The following PAPOLA variants were observed in gnomAD, a reference collection of about 807,000 sequenced individuals.
The protein encoded by PAPOLA is polynucleotide adenylyltransferase alpha.
A neutral mutation model predicts 100.6 loss-of-function variants in PAPOLA; 15 were observed. The ratio of observed to expected loss-of-function variants is 0.15; its 90% CI spans 0.10 to 0.23. PAPOLA has a LOEUF of 0.23. PAPOLA is among the 10% of genes least tolerant of loss of function. The pLI, the probability that PAPOLA is intolerant of heterozygous loss-of-function variation, is 1.00. For missense variants in PAPOLA, 533 were observed against 884.2 expected, an observed-to-expected ratio of 0.60 and a Z score of 5.04; for synonymous variants, 293 against 300.0, an observed-to-expected ratio of 0.98 and a Z score of 0.24.
At chr14:96,560,195 A>C (rs1901721589) in intron 19 of PAPOLA, among the ~76,000 whole-genome samples, 1 of 152,182 alleles carries the variant, frequency 6.6e-6, no homozygotes, top group Admixed American at 6.5e-5. Flanking sequence ...TACCAAGAGC[A>C]AGGATTCTCT....
Position 96,552,633 on chromosome 14 carries a change from A to G in PAPOLA, c.1664+11A>G, listed in dbSNP as rs764319244. 4.4e-6 allele frequency: 7 copies of G among 1,608,904 alleles called. No individual in the cohort carries two copies. The highest frequency in any genetic ancestry group is 5.9e-6 in the Non-Finnish European group (7 of 1,177,628). On this transcript the variant is annotated intron_variant, in intron 17 of 21. Coordinates refer to ENST00000216277, the MANE Select transcript of PAPOLA (RefSeq NM_032632.5). The stretch of plus-strand genomic sequence containing the variant: ...TGGCAGCTCTCAGGGGTAAGGAAAA[A>G]GAGGGAAATAGAAGTGGAGGGGCTG...
intron 15 of PAPOLA, among the ~76,000 whole-genome samples, chr14:96,546,962 C>A (rs1431853720): frequency 6.6e-6 from 1 of 152,122 alleles, no homozygotes; most frequent in African/African-American, 2.4e-5. Context: ...TCCTCATGTT[C>A]ATTTAAATCT....
In PAPOLA at chr14:96,565,865, CCT is replaced by C. The variant is rs543255654; in HGVS notation, c.*816_*817del. The stretch of plus-strand genomic sequence containing the variant: ...AAAAGCTTCTTGCGCCTTTCCCTCC[CCT>C]GTTTTCTTCCTTTTTCTTTTTGCTT... On this transcript the variant is annotated 3_prime_UTR_variant, in exon 22 of 22. Coordinates refer to ENST00000216277, the MANE Select transcript of PAPOLA (RefSeq NM_032632.5). 67 of 398,602 alleles carry C rather than the reference CCT, an allele frequency of 1.7e-4. No individual in the cohort carries two copies. The highest frequency in any genetic ancestry group is 2.5e-4 in the South Asian group (2 of 7,848). 24.7% of individuals were successfully genotyped at this position (398,602 alleles called of 1,614,324 possible).
At position 96,565,799 on chromosome 14, in the gene PAPOLA, C is replaced by A. The variant is rs1902226147; in HGVS notation, c.*749C>A. The A allele has an allele frequency of 1.8e-5, 7 of 398,294 alleles. No individual in the cohort carries two copies. The East Asian group carries it at 2.5e-4, about 14-fold the overall frequency. The allele number at this position is 398,294 out of a possible 1,614,324, so 24.7% of individuals were successfully genotyped here. A position where few individuals can be genotyped will look rare whatever the true frequency, so the allele number is the denominator to read the frequency against. Reference sequence around the variant, plus strand: ...TTTGAGCTTGTGAAAGCTCTGTGTTCTTTTGCCTTCAATCTGTTGTCTTCA... The same window carrying A: ...TTTGAGCTTGTGAAAGCTCTGTGTTATTTTGCCTTCAATCTGTTGTCTTCA... On this transcript the variant is annotated 3_prime_UTR_variant, in exon 22 of 22. Coordinates refer to ENST00000216277, the MANE Select transcript of PAPOLA (RefSeq NM_032632.5).
At chr14:96,530,090 T>G (rs997879235) in intron 6 of PAPOLA, among the ~76,000 whole-genome samples, 1 of 152,240 alleles carries the variant, frequency 6.6e-6, no homozygotes, top group Admixed American at 6.5e-5. Flanking sequence ...ATTTGAGTAC[T>G]ATTAAGTTCT....
At chr14:96,545,912 T>G (rs1203263603) in intron 15 of PAPOLA, among the ~76,000 whole-genome samples, 1 of 152,088 alleles carries the variant, frequency 6.6e-6, no homozygotes, top group Non-Finnish European at 1.5e-5. Context: ...TAGAAATTTG[T>G]TCTGTACATT....
At chr14:96,542,148 A>T in intron 12 of PAPOLA, 95 bp from the exon 13 acceptor site, 3 of 689,538 alleles carry the variant, frequency 4.4e-6, no homozygotes, top group Non-Finnish European at 7.5e-6. Flanking sequence ...ATTGATGTGG[A>T]TCTATAACTG....
chr14:96,563,501 C>G (rs1320539487), intron 21 of PAPOLA, among the ~76,000 whole-genome samples: 1 of 151,980 alleles, frequency 6.6e-6, no homozygotes, highest in African/African-American at 2.4e-5. Context: ...ATGAATGAAC[C>G]CTAACATCTA....
chr14:96,522,596 C>G (rs1397188253), intron 3 of PAPOLA, among the ~76,000 whole-genome samples: 1 of 152,054 alleles, frequency 6.6e-6, no homozygotes, highest in African/African-American at 2.4e-5. Flanking sequence ...GTAGCGATGG[C>G]TTTTCACCAT....
intron 15 of PAPOLA, among the ~76,000 whole-genome samples, chr14:96,545,255 TA>T (rs1187987572): frequency 6.6e-6 from 1 of 152,024 alleles, no homozygotes; most frequent in Non-Finnish European, 1.5e-5. Flanking sequence ...AACTGTGATA[TA>T]AAGGAGAAAT....
chr14:96,552,628 G>T lies in PAPOLA; in HGVS notation c.1664+6G>T, dbSNP rs775889075. The stretch of plus-strand genomic sequence containing the variant: ...AGTTCTGGCAGCTCTCAGGGGTAAG[G>T]AAAAAGAGGGAAATAGAAGTGGAGG... On this transcript the variant is annotated splice_donor_region_variant and intron_variant, in intron 17 of 21. Coordinates refer to ENST00000216277, the MANE Select transcript of PAPOLA (RefSeq NM_032632.5). 3.1e-6 allele frequency: 5 copies of T among 1,607,466 alleles called. No individual in the cohort carries two copies. In the East Asian group the frequency reaches 1.1e-4, roughly 36 times the overall value.
intron 10 of PAPOLA, chr14:96,535,352 C>T: frequency 1.0e-6 from 1 of 982,700 alleles, no homozygotes; most frequent in African/African-American, 1.7e-5. Flanking sequence ...GTGCCACTTA[C>T]TGATATACAG....
chr14:96,548,246 A>G (rs1240731128), intron 16 of PAPOLA, among the ~76,000 whole-genome samples: 1 of 152,174 alleles, frequency 6.6e-6, no homozygotes, highest in Non-Finnish European at 1.5e-5. Context: ...TAAAAAGTAA[A>G]CTAAATTAAA....
rs1383042618 is a variant in PAPOLA, at chr14:96,502,405, G to C, written c.-188G>C. 1 of 697,852 alleles carries C rather than the reference G, an allele frequency of 1.4e-6. No individual in the cohort carries two copies. The highest frequency in any genetic ancestry group is 2.6e-6 in the Non-Finnish European group (1 of 382,814). The allele number at this position is 697,852 out of a possible 1,614,324, so 43.2% of individuals were successfully genotyped here. On this transcript the variant is annotated 5_prime_UTR_variant, in exon 1 of 22. Coordinates refer to ENST00000216277, the MANE Select transcript of PAPOLA (RefSeq NM_032632.5). ...CTAGAACGTTGCTGTGGTAGCGCTC[G>C]GGCGCCATGTTAGGACGAAGGGGAA...
intron 10 of PAPOLA, 139 bp downstream of exon 10, chr14:96,534,702 C>T: frequency 1.2e-5 from 18 of 1,483,934 alleles, no homozygotes; most frequent in Non-Finnish European, 1.5e-5. Context: ...TAGATAACCT[C>T]AACTATAATT....
chr14:96,547,342 CATT>C (rs910937859), intron 15 of PAPOLA, among the ~76,000 whole-genome samples: 11 of 151,936 alleles, frequency 7.2e-5, no homozygotes, highest in African/African-American at 2.4e-4. Context: ...GAAAGTATGT[CATT>C]AGTTAGTTTT....
chr14:96,525,864 A>G (rs1205525259), intron 4 of PAPOLA: 1 of 152,566 alleles, frequency 6.6e-6, no homozygotes, highest in Non-Finnish European at 1.5e-5. Context: ...AAGTACAGAT[A>G]CAGAGTAGTT....
rs1385408309 is a variant in PAPOLA, at chr14:96,565,016, T to C, written c.2204T>C (p.Ile735Thr). 16 of 1,597,842 alleles carry C rather than the reference T, an allele frequency of 1.0e-5. No individual in the cohort carries two copies. The highest frequency in any genetic ancestry group is 1.3e-5 in the Non-Finnish European group (15 of 1,165,518). Reference protein sequence around the residue: ...PALPANPIPVIKNSIKLRLNR With the variant: ...PALPANPIPVTKNSIKLRLNR ...CTCCCTGCAAATCCTATTCCTGTTATCAAGAATTCAATAAAACTGAGATTG... is the reference window on the plus strand; with the variant it reads ...CTCCCTGCAAATCCTATTCCTGTTACCAAGAATTCAATAAAACTGAGATTG... Residue 735 changes from isoleucine to threonine, a missense_variant, in exon 22 of 22, where the codon ATC (isoleucine) becomes ACC (threonine). Physicochemically the swap from Ile to Thr is moderately conservative, Grantham distance 89 (BLOSUM62 -1). This residue lies in a region of PAPOLA where 242 missense variants were observed against 281.0 expected (regional missense o/e 0.86). Coordinates refer to ENST00000216277, the MANE Select transcript of PAPOLA (RefSeq NM_032632.5).
intron 13 of PAPOLA, chr14:96,542,498 G>T: frequency 1.8e-6 from 1 of 551,714 alleles, no homozygotes; most frequent in Non-Finnish European, 3.2e-6. Context: ...GCTTTATGGA[G>T]ATCCGTGCAT....
Sources: gnomAD v4.1 joint callset for allele counts (sites outside exome capture counted in the v4.1 genomes callset) on GRCh38, gnomAD v4.1.1 for gene constraint, gnomAD v4.1.1 regional missense constraint, MANE v1.5 for transcripts, NCBI Gene and HGNC (gene_info 2026-07-23, HGNC 2026-07-21) for gene names.